Variants in MB observed in about 807,000 individuals in gnomAD.
MB encodes myoglobin.
A neutral mutation model predicts 14.5 loss-of-function variants in MB; 10 were observed. That is an observed-to-expected ratio of 0.69 (90% CI 0.43 to 1.17). MB has a LOEUF of 1.17. Ranked by LOEUF, MB falls within the 50% of genes most tolerant of loss-of-function variation. MB has a pLI of 0.00. For synonymous variants in MB, 89 were observed against 78.6 expected (o/e 1.13, Z -0.70); for missense variants, 169 against 192.7 (o/e 0.88, Z 0.73).
chr22:35,607,365 T>C lies in MB; in HGVS notation c.397A>G (p.Asn133Asp). The C allele has an allele frequency of 1.2e-6, 2 of 1,614,192 alleles. No individual in the cohort carries two copies. Among genetic ancestry groups the C allele is most frequent in the Non-Finnish European group, 1.7e-6 (2 of 1,179,986 alleles). The change falls in exon 3 of 3, where the codon AAC becomes GAC. Residue 133 changes from asparagine (N) to aspartate (D), a missense_variant. Asn to Asp is a conservative substitution (Grantham distance 23). Transcript: ENST00000397326. ...TTCCGGAACAGCTCCAGGGCCTTGT[T>C]CATGGCCCCCTGGGCATCAGCACCA... ...DFGADAQGAM[N>D]KALELFRKDM...
chr22:35,609,719 A>G lies in MB; in HGVS notation c.318+1165T>C, dbSNP rs534227192. ...AGAAGGGTACTTGCCTGGGGCAGAG[A>G]CTGCTAATTACGTCCACAATATCCA... On this transcript the variant is annotated intron_variant, in intron 2 of 2. Transcript: ENST00000397326. 1.8e-4 allele frequency among the ~76,000 whole-genome samples: 28 copies of G among 152,286 alleles called. 1 individual carries two copies. The South Asian group carries it at 3.5e-3, about 19-fold the overall frequency.
intron 2 of MB, among the ~76,000 whole-genome samples, chr22:35,610,410 C>T (rs960847366): frequency 1.3e-5 from 2 of 152,204 alleles, no homozygotes; most frequent in Admixed American, 6.5e-5. Flanking sequence ...CACATAAGTC[C>T]TGCATGTACC....
At position 35,612,780 on chromosome 22, in the gene MB, C is replaced by T. The variant is rs531156456; in HGVS notation, c.96-1674G>A. Among the ~76,000 whole-genome samples the T allele has an allele frequency of 4.6e-5, 7 of 152,316 alleles. 1 individual carries two copies. The highest frequency in any genetic ancestry group is 1.7e-4 in the African/African-American group (7 of 41,558). ...ATTGTTACACAGAGATATTTACAGG[C>T]AAACTGATACCTACATGGACATGTA... is the stretch of plus-strand genomic sequence containing the variant. On this transcript the variant is annotated intron_variant, in intron 1 of 2. Coordinates refer to ENST00000397326, the MANE Select transcript of MB (RefSeq NM_005368.3).
In MB at chr22:35,606,946, T is replaced by C. The variant is rs182151621; in HGVS notation, c.*351A>G. 1.5e-4 allele frequency: 30 copies of C among 196,088 alleles called. No homozygotes were observed. The highest frequency in any genetic ancestry group is 5.3e-4 in the African/African-American group (23 of 43,430). 12.1% of individuals were successfully genotyped at this position (196,088 alleles called of 1,614,324 possible). On this transcript the variant is annotated 3_prime_UTR_variant, in exon 3 of 3. Coordinates refer to ENST00000397326, the MANE Select transcript of MB (RefSeq NM_005368.3). ...CAGTGATTAATCAGACAATTGCTAC[T>C]GTCAGGTGTAGTTAATGGCTTGGAT... is the stretch of plus-strand genomic sequence containing the variant.
intron 2 of MB, among the ~76,000 whole-genome samples, chr22:35,609,426 T>A (rs1922407485): frequency 6.6e-6 from 1 of 152,096 alleles, no homozygotes; most frequent in Non-Finnish European, 1.5e-5. Flanking sequence ...AGGGACGGCC[T>A]CACATGCAGG....
chr22:35,620,101 T>C (rs112548700), upstream of MB, among the ~76,000 whole-genome samples: 4,927 of 152,246 alleles, frequency 0.032, 196 homozygotes, highest in South Asian at 0.15. Context: ...TTTGGGAGGC[T>C]GAGGTGGGTG....
chr22:35,608,858 C>T lies in MB; in HGVS notation c.319-1415G>A, dbSNP rs1412613626. On this transcript the variant is annotated intron_variant, in intron 2 of 2. Coordinates refer to ENST00000397326, the MANE Select transcript of MB (RefSeq NM_005368.3). The surrounding 1 kb of genome is among the most constrained non-coding windows in gnomAD (Gnocchi z 4.3). ...TTGAGAAATGGAAACACTCTCGGCA[C>T]CCACCACCCTGTACAGCCCCTCAGT... Among the ~76,000 whole-genome samples the T allele has an allele frequency of 6.6e-6, 1 of 152,156 alleles. No homozygotes were observed. Among genetic ancestry groups the T allele is most frequent in the Non-Finnish European group, 1.5e-5 (1 of 68,016 alleles).
chr22:35,617,344 C>G (rs992672723), upstream of MB: 1 of 1,044,964 alleles, frequency 9.6e-7, no homozygotes, highest in Middle Eastern at 2.1e-4. Flanking sequence ...CTGCCTGGTC[C>G]CAAGGGCGTT....
chr22:35,611,829 A>G (rs2283962), intron 1 of MB, among the ~76,000 whole-genome samples: 98,047 of 148,874 alleles, frequency 0.66, 33,718 homozygotes, highest in East Asian at 0.93. Context: ...CCCACCTCCA[A>G]CTTTAGACCT....
chr22:35,610,224 C>G (rs939526468), intron 2 of MB, among the ~76,000 whole-genome samples: 1 of 152,202 alleles, frequency 6.6e-6, no homozygotes, highest in African/African-American at 2.4e-5. Flanking sequence ...GAAGCCCAGG[C>G]TCCTGCCCCC....
rs1384879251 is a variant in MB at position 35,610,937 on chromosome 22, G to T, written c.265C>A (p.Pro89Thr). ...KKGHHEAEIKPLAQSHATKHK... is the reference protein window; with the variant it reads ...KKGHHEAEIKTLAQSHATKHK... ...TTGGTGGCATGCGACTGTGCCAGGG[G>T]CTTAATCTCTGCCTCATGATGCCCC... The change falls in exon 2 of 3, where the codon CCC (proline) becomes ACC (threonine). Residue 89 changes from proline to threonine, a missense_variant. Pro to Thr is a conservative substitution (Grantham distance 38). Coordinates refer to ENST00000397326, the MANE Select transcript of MB (RefSeq NM_005368.3). 1.2e-6 allele frequency: 2 copies of T among 1,614,068 alleles called. No homozygotes were observed. The highest frequency in any genetic ancestry group is 1.1e-5 in the South Asian group (1 of 91,088).
At chr22:35,623,093 C>A (rs1923570320) in intron 1 of MB, 3 of 152,344 alleles carry the variant, frequency 2.0e-5, no homozygotes, top group African/African-American at 4.8e-5. Context: ...ACCAGGGACA[C>A]CCCTCCTCCC....
intron 1 of MB, among the ~76,000 whole-genome samples, chr22:35,613,062 C>T (rs752674454): frequency 9.2e-5 from 14 of 152,236 alleles, no homozygotes; most frequent in Non-Finnish European, 1.6e-4. Context: ...GCGTCACTGA[C>T]GGCTTGTCTC....
Position 35,611,056 on chromosome 22 carries a change from T to A in MB, c.146A>T (p.His49Leu), listed in dbSNP as rs1922583077. 1.2e-6 allele frequency: 2 copies of A among 1,614,136 alleles called. No homozygotes were observed. Among genetic ancestry groups the A allele is most frequent in the East Asian group, 4.5e-5 (2 of 44,876 alleles). ...CTTCATCTCGTCCTCTGACTTCAGG[T>A]GCTTGAACTTGTCAAACTTCTCCAG... The part of the protein sequence containing the change: ...ETLEKFDKFK[H>L]LKSEDEMKAS... Residue 49 changes from histidine to leucine, a missense_variant, in exon 2 of 3, where the codon CAC becomes CTC. By Grantham distance (99) the His-to-Leu change is moderately conservative (BLOSUM62 -3). Transcript: ENST00000397326.
upstream of MB, among the ~76,000 whole-genome samples, chr22:35,617,889 G>A (rs1240784915): frequency 6.6e-6 from 1 of 152,184 alleles, no homozygotes; most frequent in Non-Finnish European, 1.5e-5. Context: ...CTGTTTTCAT[G>A]ACCCTGCTCA....
chr22:35,607,378 G>T lies in MB; in HGVS notation c.384C>A (p.Ala128=). Residue 128 remains alanine, a synonymous_variant, in exon 3 of 3, where the codon GCC becomes GCA. Transcript: ENST00000397326. ...SKHPGDFGAD[A]QGAMNKALEL... is the part of the protein sequence containing the mutation. Reference sequence around the variant, plus strand: ...CCAGGGCCTTGTTCATGGCCCCCTGGGCATCAGCACCAAAGTCCCCGGGAT... The same window carrying T: ...CCAGGGCCTTGTTCATGGCCCCCTGTGCATCAGCACCAAAGTCCCCGGGAT... 1 of 1,614,138 alleles carries T rather than the reference G, an allele frequency of 6.2e-7. No homozygotes were observed. The highest frequency in any genetic ancestry group is 8.5e-7 in the Non-Finnish European group (1 of 1,179,992).
At chr22:35,615,745 T>C (rs5750133) in intron 1 of MB, 101,943 of 151,870 alleles carry the variant, frequency 0.67, 35,748 homozygotes, top group East Asian at 0.93. Context: ...CAAGGTCACA[T>C]GGCATATCTG....
chr22:35,621,308 C>T (rs556395882), upstream of MB, among the ~76,000 whole-genome samples: 141 of 152,280 alleles, frequency 9.3e-4, 1 homozygote, highest in African/African-American at 3.1e-3. Context: ...CCTCTTTTTC[C>T]CTTTCATATC....
chr22:35,618,551 C>G (rs1923247712), upstream of MB, among the ~76,000 whole-genome samples: 1 of 152,044 alleles, frequency 6.6e-6, no homozygotes, highest in Non-Finnish European at 1.5e-5. Context: ...TCCATCATCT[C>G]TTTGTCTATC....
Sources: gnomAD v4.1 joint callset for allele counts (sites outside exome capture counted in the v4.1 genomes callset) on GRCh38, gnomAD v4.1.1 for gene constraint, Gnocchi (gnomAD v3.1) non-coding constraint, MANE v1.5 for transcripts, NCBI Gene and HGNC (gene_info 2026-07-23, HGNC 2026-07-21) for gene names.